Variants in MRPL46 observed in about 807,000 individuals in gnomAD.
MRPL46 encodes the protein large ribosomal subunit protein mL46.
A neutral mutation model predicts 31.0 loss-of-function variants in MRPL46; 26 were observed. The observed-to-expected ratio is 0.84, with a 90% CI of 0.61 to 1.16. The LOEUF (loss-of-function observed/expected upper bound fraction) is 1.16, where lower values mean the gene tolerates loss of function less well. Ranked by LOEUF, MRPL46 falls within the 50% of genes most tolerant of loss-of-function variation. The pLI, the probability that MRPL46 is intolerant of heterozygous loss-of-function variation, is 0.00. For missense variants in MRPL46, 395 were observed against 340.0 expected, an observed-to-expected ratio of 1.16 and a Z score of -1.27; for synonymous variants, 159 against 141.3, an observed-to-expected ratio of 1.13 and a Z score of -0.89.
intron 3 of MRPL46, chr15:88,460,232 ATC>A (rs1271719368): frequency 9.4e-6 from 2 of 212,116 alleles, no homozygotes; most frequent in African/African-American, 6.8e-5. Context: ...CCCAGTCGCT[ATC>A]TGCTGGCGAA....
Position 88,467,331 on chromosome 15 carries a change from C to A in MRPL46, c.47G>T (p.Trp16Leu). ...GGCCCAGAGCCTCTCGAACCGCCGCCAACCCCCCGCCACCCCTAACAGCGT... is the reference window on the plus strand; with the variant it reads ...GGCCCAGAGCCTCTCGAACCGCCGCAAACCCCCCGCCACCCCTAACAGCGT... The part of the protein sequence containing the change: ...RRTLLGVAGG[W>L]RRFERLWAGS... The change falls in exon 1 of 4, where the codon TGG (tryptophan) becomes TTG (leucine). Residue 16 changes from tryptophan to leucine, a missense_variant. Physicochemically the swap from Trp to Leu is moderately conservative, Grantham distance 61 (BLOSUM62 -2). Coordinates refer to ENST00000312475, the MANE Select transcript of MRPL46 (RefSeq NM_022163.4). 1 of 1,604,502 alleles carries A rather than the reference C, an allele frequency of 6.2e-7. No homozygotes were observed. The highest frequency in any genetic ancestry group is 8.5e-7 in the Non-Finnish European group (1 of 1,175,628).
intron 1 of MRPL46, among the ~76,000 whole-genome samples, chr15:88,466,572 G>A (rs1053740191): frequency 3.9e-5 from 6 of 152,198 alleles, no homozygotes; most frequent in Non-Finnish European, 8.8e-5. Flanking sequence ...GCGAGTAAAT[G>A]AATAAATCAA....
intron 3 of MRPL46, chr15:88,460,662 AT>A (rs928993961): frequency 6.6e-6 from 1 of 152,206 alleles, no homozygotes; most frequent in African/African-American, 2.4e-5. Context: ...AACAATAGAC[AT>A]TTTAACTTTT....
Position 88,459,528 on chromosome 15 carries a change from C to A in MRPL46, c.*85G>T. 1 of 1,558,894 alleles carries A rather than the reference C, an allele frequency of 6.4e-7. No individual in the cohort carries two copies. Among genetic ancestry groups the A allele is most frequent in the Non-Finnish European group, 8.7e-7 (1 of 1,145,556 alleles). On this transcript the variant is annotated 3_prime_UTR_variant, in exon 4 of 4. Coordinates refer to ENST00000312475, the MANE Select transcript of MRPL46 (RefSeq NM_022163.4). Reference sequence around the variant, plus strand: ...GAATTTAGTTTGCTGCTTGATATTACCTGCAAATGTGAGGCAATCACACAA... The same window carrying A: ...GAATTTAGTTTGCTGCTTGATATTAACTGCAAATGTGAGGCAATCACACAA...
intron 2 of MRPL46, chr15:88,465,305 A>G (rs866941665): frequency 9.3e-6 from 4 of 430,916 alleles, no homozygotes; most frequent in Non-Finnish European, 1.6e-5. Context: ...ATTAGTGGAA[A>G]AAGGCTTCAT....
intron 3 of MRPL46, chr15:88,462,133 T>C (rs374806416): frequency 1.2e-4 from 18 of 151,928 alleles, no homozygotes; most frequent in African/African-American, 4.1e-4. Context: ...TTTTACCACA[T>C]ACGTGAATGG....
chr15:88,467,231 G>C lies in MRPL46; in HGVS notation c.147C>G (p.Gly49=), dbSNP rs1429972911. 6.2e-7 allele frequency: 1 copy of C among 1,614,114 alleles called. No homozygotes were observed. Residue 49 remains glycine, a synonymous_variant, in exon 1 of 4, where the codon GGC becomes GGG. Transcript: ENST00000312475. ...CAGGTGGCCGCTGCAGGCACAACGCGCCCAACAAGCGCCATGGGGATCCGT... is the reference window on the plus strand; with the variant it reads ...CAGGTGGCCGCTGCAGGCACAACGCCCCCAACAAGCGCCATGGGGATCCGT... ...SSNGSPWRLL[G]ALCLQRPPVV...
rs754654562 is a variant in MRPL46 at position 88,467,326 on chromosome 15, G to T, written c.52C>A (p.Arg18=). Reference sequence around the variant, plus strand: ...CTGCCGGCCCAGAGCCTCTCGAACCGCCGCCAACCCCCCGCCACCCCTAAC... The same window carrying T: ...CTGCCGGCCCAGAGCCTCTCGAACCTCCGCCAACCCCCCGCCACCCCTAAC... ...TLLGVAGGWR[R]FERLWAGSLS... Residue 18 remains arginine, a synonymous_variant, in exon 1 of 4, where the codon CGG becomes AGG. Coordinates refer to ENST00000312475, the MANE Select transcript of MRPL46 (RefSeq NM_022163.4). 10 of 1,606,358 alleles carry T rather than the reference G, an allele frequency of 6.2e-6. No homozygotes were observed. In the Admixed American group the frequency reaches 6.8e-5, roughly 11 times the overall value.
Position 88,465,662 on chromosome 15 carries a change from T to A in MRPL46, c.340A>T (p.Ile114Leu). The A allele has an allele frequency of 6.2e-7, 1 of 1,613,666 alleles. No homozygotes were observed. The highest frequency in any genetic ancestry group is 1.7e-5 in the Admixed American group (1 of 59,914). The change falls in exon 2 of 4, where the codon ATA becomes TTA. Residue 114 changes from isoleucine to leucine, a missense_variant. Coordinates refer to ENST00000312475, the MANE Select transcript of MRPL46 (RefSeq NM_022163.4). ...DLHDEEDEQD[I>L]LLAQDLEDMW... ...TCTTCCAAATCTTGCGCCAGCAATA[T>A]ATCCTGTTCATCTTCTTCATCATGA...
chr15:88,465,414 C>G, intron 2 of MRPL46, 173 bp downstream of exon 2: 2 of 670,476 alleles, frequency 3.0e-6, no homozygotes, highest in Non-Finnish European at 4.5e-6. Flanking sequence ...ACCTCTCACC[C>G]GAAAATAAGA....
Position 88,467,192 on chromosome 15 carries a change from C to A in MRPL46, c.186G>T (p.Pro62=), listed in dbSNP as rs770820820. 2 of 1,614,152 alleles carry A rather than the reference C, an allele frequency of 1.2e-6. No individual in the cohort carries two copies. Among genetic ancestry groups the A allele is most frequent in the South Asian group, 1.1e-5 (1 of 91,080 alleles). Residue 62 remains proline (P), a synonymous_variant, in exon 1 of 4, where the codon CCG becomes CCT. Coordinates refer to ENST00000312475, the MANE Select transcript of MRPL46 (RefSeq NM_022163.4). ...CCATCTCTTCCTGCAATGGGGTCAA[C>A]GGCTTGGAGACTACAGGTGGCCGCT... The part of the protein sequence containing the change: ...CLQRPPVVSK[P]LTPLQEEMAS...
At chr15:88,462,913 T>G (rs1598283856) in intron 3 of MRPL46, 1 of 152,394 alleles carries the variant, frequency 6.6e-6, no homozygotes, top group East Asian at 1.9e-4. Flanking sequence ...ATATATTTGA[T>G]ATATTTCCTT....
intron 1 of MRPL46, 86 bp downstream of exon 1, chr15:88,467,064 C>T: frequency 1.4e-6 from 2 of 1,418,560 alleles, no homozygotes; most frequent in Non-Finnish European, 2.0e-6. Context: ...GGATAAGTAC[C>T]GTATACTTAA....
chr15:88,466,772 T>C lies in MRPL46; in HGVS notation c.228+378A>G, dbSNP rs373135836. ...GATAGCCCCATGAGATAAAACAGAG[T>C]AGGCTTATCATAGGCATCTGACAGA... On this transcript the variant is annotated intron_variant, in intron 1 of 3. Coordinates refer to ENST00000312475, the MANE Select transcript of MRPL46 (RefSeq NM_022163.4). 2.6e-5 allele frequency among the ~76,000 whole-genome samples: 4 copies of C among 152,198 alleles called. No individual in the cohort carries two copies. In the East Asian group the frequency reaches 5.8e-4, roughly 22 times the overall value.
intron 3 of MRPL46, chr15:88,460,264 T>C (rs112940963): frequency 2.7e-5 from 5 of 186,864 alleles, no homozygotes; most frequent in African/African-American, 6.3e-5. Context: ...TCGCTATCTG[T>C]TGGCGAATCA....
At position 88,464,539 on chromosome 15, in the gene MRPL46, A is replaced by T. The variant is rs1281677024; in HGVS notation, c.589+164T>A. On this transcript the variant is annotated intron_variant, in intron 3 of 3. Coordinates refer to ENST00000312475, the MANE Select transcript of MRPL46 (RefSeq NM_022163.4). Reference sequence around the variant, plus strand: ...AAAATAAAAATAAAAAAAAAATAAAAAAAATCCTTACCTGGGTTTTTCTGG... The same window carrying T: ...AAAATAAAAATAAAAAAAAAATAAATAAAATCCTTACCTGGGTTTTTCTGG... 7.1e-6 allele frequency: 5 copies of T among 706,490 alleles called. No homozygotes were observed. In the East Asian group the frequency reaches 9.7e-5, roughly 14 times the overall value. 43.8% of individuals were successfully genotyped at this position (706,490 alleles called of 1,614,324 possible).
intron 2 of MRPL46, 136 bp downstream of exon 2, chr15:88,465,451 G>T: frequency 2.1e-6 from 2 of 946,852 alleles, no homozygotes; most frequent in South Asian, 4.2e-5. Context: ...TATTATGGTA[G>T]ATGTGAGCAA....
At position 88,459,871 on chromosome 15, in the gene MRPL46, G is replaced by A. The variant is rs778527807; in HGVS notation, c.590-8C>T. 6.2e-7 allele frequency: 1 copy of A among 1,613,536 alleles called. No individual in the cohort carries two copies. Among genetic ancestry groups the A allele is most frequent in the Non-Finnish European group, 8.5e-7 (1 of 1,179,664 alleles). On this transcript the variant is annotated splice_polypyrimidine_tract_variant and splice_region_variant and intron_variant, in intron 3 of 3. Transcript: ENST00000312475. ...TGGCTTCCATGTTGTTTTCTGAAGA[G>A]GGAGGAAAGAAAAATCACAATTGGA... is the stretch of plus-strand genomic sequence containing the variant.
intron 3 of MRPL46, chr15:88,464,084 A>T (rs939262915): frequency 3.9e-5 from 6 of 152,388 alleles, no homozygotes; most frequent in African/African-American, 1.4e-4. Context: ...ATTTTTGGTT[A>T]CTGCACTGGG....
Sources: gnomAD v4.1 joint callset for allele counts (sites outside exome capture counted in the v4.1 genomes callset) on GRCh38, gnomAD v4.1.1 for gene constraint, MANE v1.5 for transcripts, NCBI Gene and HGNC (gene_info 2026-07-23, HGNC 2026-07-21) for gene names.